NOL9: variants seen among roughly 807,000 people sequenced by gnomAD.
NOL9 encodes nucleolar protein 9.
Under a neutral mutation model 67.9 loss-of-function variants are expected in NOL9, and 28 were observed. That is an observed-to-expected ratio of 0.41 (90% CI 0.31 to 0.57). The LOEUF (loss-of-function observed/expected upper bound fraction) is 0.57. Ranked by LOEUF, NOL9 falls within the 20% of genes least tolerant of loss-of-function variation. The pLI is 0.25. For missense variants in NOL9, 777 were observed against 897.0 expected (o/e 0.87, Z 1.71); for synonymous variants, 356 against 352.2 (o/e 1.01, Z -0.12).
chr1:6,540,326 G>A (rs1271462984), intron 6 of NOL9, among the ~76,000 whole-genome samples: 1 of 151,678 alleles, frequency 6.6e-6, no homozygotes, highest in Non-Finnish European at 1.5e-5. Context: ...GTTTCACCAT[G>A]TTAGCCAGGA....
chr1:6,546,050 C>T (rs1326102763), intron 3 of NOL9, among the ~76,000 whole-genome samples: 1 of 151,132 alleles, frequency 6.6e-6, no homozygotes, highest in African/African-American at 2.4e-5. Context: ...ACCAACCATT[C>T]TACACTGTGT....
intron 3 of NOL9, among the ~76,000 whole-genome samples, chr1:6,547,379 G>T (rs1639441605): frequency 6.6e-6 from 1 of 152,076 alleles, no homozygotes; most frequent in African/African-American, 2.4e-5. Context: ...ATGCACCCCA[G>T]TCGTTAAGCC....
chr1:6,548,566 G>A (rs996292995), intron 3 of NOL9: 15 of 367,180 alleles, frequency 4.1e-5, no homozygotes, highest in Non-Finnish European at 6.9e-5. Flanking sequence ...TTCTCGAGGA[G>A]GAGAACATCA....
At chr1:6,547,138 CTTGTTT>C in intron 3 of NOL9, among the ~76,000 whole-genome samples, 1 of 152,212 alleles carries the variant, frequency 6.6e-6, no homozygotes, top group South Asian at 2.1e-4. Context: ...CTGGAACCAT[CTTGTTT>C]CTATCTATTC....
In NOL9 at chr1:6,554,376, A is replaced by C. The variant is rs1220934933; in HGVS notation, c.127T>G (p.Cys43Gly). 2.0e-6 allele frequency: 3 copies of C among 1,479,732 alleles called. No homozygotes were observed. In the African/African-American group the frequency reaches 4.4e-5, roughly 22 times the overall value. The allele number at this position is 1,479,732 out of a possible 1,614,324, so 91.7% of individuals were successfully genotyped here. Residue 43 changes from cysteine (C) to glycine (G), a missense_variant, in exon 1 of 12, where the codon TGC becomes GGC. Cys to Gly is a radical substitution (Grantham distance 159, BLOSUM62 -3). This residue lies in a region of NOL9 where 364 missense variants were observed against 344.4 expected (regional missense o/e 1.06). Coordinates refer to ENST00000377705, the MANE Select transcript of NOL9 (RefSeq NM_024654.5). ...PRRRLGSLRWCGRRRLRWRLL... is the reference protein window; with the variant it reads ...PRRRLGSLRWGGRRRLRWRLL... Reference sequence around the variant, plus strand: ...CGCCACCGTAGGCGCCGCCGACCGCACCAGCGCAGGCTCCCGAGCCGGCGG... The same window carrying C: ...CGCCACCGTAGGCGCCGCCGACCGCCCCAGCGCAGGCTCCCGAGCCGGCGG...
intron 1 of NOL9, among the ~76,000 whole-genome samples, chr1:6,551,886 T>C (rs981331069): frequency 1.3e-5 from 2 of 151,914 alleles, no homozygotes; most frequent in Non-Finnish European, 2.9e-5. Context: ...TACAAAAAAC[T>C]TAGCCAGGTG....
rs945766158 is a variant in NOL9 at position 6,524,243 on chromosome 1, C to T, written c.*1611G>A. On this transcript the variant is annotated 3_prime_UTR_variant, in exon 12 of 12. Transcript: ENST00000377705. ...GTAAAATACTAAAGACAATGATAAC[C>T]AACAGTTGTATAAGTGTATATAAGT... The T allele has an allele frequency of 3.9e-5, 1 of 25,708 alleles. No individual in the cohort carries two copies. Among genetic ancestry groups the T allele is most frequent in the Non-Finnish European group, 9.3e-5 (1 of 10,802 alleles). The allele number at this position is 25,708 out of a possible 1,614,324, so 1.6% of individuals were successfully genotyped here.
intron 1 of NOL9, among the ~76,000 whole-genome samples, chr1:6,552,625 A>G (rs1450676191): frequency 6.6e-6 from 1 of 150,734 alleles, no homozygotes; most frequent in Non-Finnish European, 1.5e-5. Context: ...TAGGCCTCCA[A>G]AAGTGCTGGG....
At chr1:6,545,521 C>T (rs1007362993) in intron 3 of NOL9, among the ~76,000 whole-genome samples, 3 of 152,194 alleles carry the variant, frequency 2.0e-5, no homozygotes, top group Admixed American at 2.0e-4. Flanking sequence ...TCAAGGCAAC[C>T]TCTGAAAACA....
At chr1:6,529,294 C>G in intron 9 of NOL9, 123 bp from the exon 10 acceptor site, 1 of 882,596 alleles carries the variant, frequency 1.1e-6, no homozygotes, top group Non-Finnish European at 1.7e-6. Flanking sequence ...AAAAGTATCT[C>G]TAAAGAATAA....
intron 3 of NOL9, among the ~76,000 whole-genome samples, chr1:6,545,388 G>A (rs182734139): frequency 1.3e-5 from 2 of 152,108 alleles, no homozygotes; most frequent in East Asian, 1.9e-4. Context: ...GCTTTCTCTC[G>A]AGCCTTCACT....
chr1:6,539,482 AT>A (rs1639228015), intron 6 of NOL9, among the ~76,000 whole-genome samples: 1 of 6,914 alleles, frequency 1.4e-4, no homozygotes, highest in Non-Finnish European at 1.0e-3. Flanking sequence ...AAAAAGAATT[AT>A]TATTATTATT....
At chr1:6,542,742 C>A (rs947011253) in intron 5 of NOL9, among the ~76,000 whole-genome samples, 2 of 152,068 alleles carry the variant, frequency 1.3e-5, no homozygotes, top group Admixed American at 1.3e-4. Context: ...CAGGCATGAG[C>A]CACCGTGCCC....
intron 6 of NOL9, among the ~76,000 whole-genome samples, chr1:6,534,421 G>C (rs1156846636): frequency 1.3e-5 from 2 of 152,222 alleles, no homozygotes; most frequent in Non-Finnish European, 2.9e-5. Flanking sequence ...CAGTCAGCAG[G>C]CCAGTGACCA....
chr1:6,537,277 C>A (rs1177446093), intron 6 of NOL9, among the ~76,000 whole-genome samples: 1 of 151,768 alleles, frequency 6.6e-6, no homozygotes, highest in Non-Finnish European at 1.5e-5. Context: ...GTATTAAGAC[C>A]TGAAACTGTA....
chr1:6,526,687 A>G lies in NOL9; in HGVS notation c.1959+9T>C, dbSNP rs1378398883. The G allele has an allele frequency of 6.2e-7, 1 of 1,606,844 alleles. No individual in the cohort carries two copies. Among genetic ancestry groups the G allele is most frequent in the East Asian group, 2.2e-5 (1 of 44,824 alleles). ...CTCCTTCCAGGGCTGTGCCCGGGGG[A>G]AGGCTCACCTGGCACTTAAGGACAC... On this transcript the variant is annotated intron_variant, in intron 11 of 11. Coordinates refer to ENST00000377705, the MANE Select transcript of NOL9 (RefSeq NM_024654.5).
rs1557780184 is a variant in NOL9 at position 6,525,837 on chromosome 1, TATTAAA to T, written c.*11_*16del. 6.2e-7 allele frequency: 1 copy of T among 1,613,430 alleles called. No homozygotes were observed. Among genetic ancestry groups the T allele is most frequent in the Non-Finnish European group, 8.5e-7 (1 of 1,179,624 alleles). On this transcript the variant is annotated 3_prime_UTR_variant, in exon 12 of 12. Transcript: ENST00000377705. ...TTTCTGGTAGGAAAGTTTCTTCCCT[TATTAAA>T]AACGCGAGCATCACTTCATTTTTCG...
chr1:6,533,439 G>A lies in NOL9; in HGVS notation c.1078C>T (p.Pro360Ser), dbSNP rs1639079392. 6.3e-7 allele frequency: 1 copy of A among 1,580,170 alleles called. No homozygotes were observed. The highest frequency in any genetic ancestry group is 8.6e-7 in the Non-Finnish European group (1 of 1,160,304). ...GGAGTCCTCAGGTGAGTGAAAGGTG[G>A]TCCTAAAAAGATAAAGATGAGTAAT... is the stretch of plus-strand genomic sequence containing the variant. ...LLNITEPVLG[P>S]PFTHLRTPQK... Residue 360 changes from proline to serine, a missense_variant and splice_region_variant, in exon 7 of 12, where the codon CCA becomes TCA. Around this residue, in one of 2 missense-constraint regions of NOL9, gnomAD observed 413 missense variants for 552.6 expected, o/e 0.75. Transcript: ENST00000377705.
chr1:6,532,298 T>C, intron 8 of NOL9, 165 bp downstream of exon 8: 2 of 757,390 alleles, frequency 2.6e-6, no homozygotes, highest in Non-Finnish European at 4.2e-6. Context: ...ATATTTCCAC[T>C]GGGAACATAA....
Sources: allele counts gnomAD v4.1 joint callset (sites outside exome capture counted in the v4.1 genomes callset), GRCh38; gene constraint gnomAD v4.1.1; regional missense constraint gnomAD v4.1.1; transcripts MANE v1.5; gene names NCBI Gene and HGNC (gene_info 2026-07-23, HGNC 2026-07-21).